Variants in PIAS2 observed in about 807,000 individuals in gnomAD.
PIAS2 encodes the protein E3 SUMO-protein ligase PIAS2.
Under a neutral mutation model 69.7 loss-of-function variants are expected in PIAS2, and 19 were observed. The observed-to-expected ratio is 0.27, with a 90% CI of 0.19 to 0.40. The LOEUF (loss-of-function observed/expected upper bound fraction) is 0.40, where lower values mean the gene tolerates loss of function less well. Among genes scored for constraint, PIAS2 ranks in the 10% least tolerant of loss-of-function variants. PIAS2 has a pLI of 1.00. For synonymous variants in PIAS2, 261 were observed against 263.2 expected (o/e 0.99, Z 0.08); for missense variants, 624 against 757.0 (o/e 0.82, Z 2.06).
chr18:46,908,007 A>G (rs1429802964), intron 1 of PIAS2: 1 of 152,230 alleles, frequency 6.6e-6, no homozygotes, highest in African/African-American at 2.4e-5. Context: ...GGGAATATTT[A>G]GAGTGCTGGT....
rs77528543 is a variant in PIAS2 at position 46,872,624 on chromosome 18, C to T, written c.500-8376G>A. ...GTTACGAGTTTCAAAAGGAAAGCTC[C>T]GATCTGTGGAACCCAAGGTTAAGTA... On this transcript the variant is annotated intron_variant, in intron 2 of 13. Coordinates refer to ENST00000585916, the MANE Select transcript of PIAS2 (RefSeq NM_004671.5). 8.3e-3 allele frequency among the ~76,000 whole-genome samples: 1,268 copies of T among 152,198 alleles called. 9 individuals are homozygous for T. Among genetic ancestry groups the T allele is most frequent in the Non-Finnish European group, 0.014 (950 of 68,012 alleles).
intron 2 of PIAS2, among the ~76,000 whole-genome samples, chr18:46,880,669 C>A (rs2052085668): frequency 6.6e-6 from 1 of 151,754 alleles, no homozygotes; most frequent in African/African-American, 2.4e-5. Flanking sequence ...AGGGGCTGAC[C>A]CTCAAACATG....
chr18:46,821,205 C>T, intron 11 of PIAS2, 133 bp from the exon 12 acceptor site: 1 of 758,912 alleles, frequency 1.3e-6, no homozygotes, highest in South Asian at 1.7e-5. Context: ...ACTCACTACA[C>T]AGCACTCCAC....
rs2040948950 is a variant in PIAS2, at chr18:46,810,789, C to A, written c.*1644G>T. 6.6e-6 allele frequency: 1 copy of A among 150,652 alleles called. No homozygotes were observed. Among genetic ancestry groups the A allele is most frequent in the East Asian group, 1.9e-4 (1 of 5,142 alleles). 9.3% of individuals were successfully genotyped at this position (150,652 alleles called of 1,614,324 possible). A position where few individuals can be genotyped will look rare whatever the true frequency, so the allele number is the denominator to read the frequency against. On this transcript the variant is annotated 3_prime_UTR_variant, in exon 14 of 14. Coordinates refer to ENST00000585916, the MANE Select transcript of PIAS2 (RefSeq NM_004671.5). ...AGGACAAGTCAGCTCCTTGGAGCTG[C>A]ACCAACTCTTAAGTAGGATGTCCCT...
intron 2 of PIAS2, among the ~76,000 whole-genome samples, chr18:46,875,986 T>C (rs1008617104): frequency 6.6e-6 from 1 of 152,222 alleles, no homozygotes; most frequent in Admixed American, 6.5e-5. Context: ...TTTTACCTCA[T>C]GTCTCTCACA....
intron 1 of PIAS2, among the ~76,000 whole-genome samples, chr18:46,899,952 G>A (rs1296295337): frequency 1.3e-5 from 2 of 152,122 alleles, no homozygotes; most frequent in East Asian, 3.9e-4. Flanking sequence ...AGCAATGAAG[G>A]CATATAAATT....
At chr18:46,864,448 G>A (rs1052636864) in intron 2 of PIAS2, among the ~76,000 whole-genome samples, 200 bp from the exon 3 acceptor site, 9 of 152,186 alleles carry the variant, frequency 5.9e-5, no homozygotes, top group Admixed American at 3.3e-4. Context: ...TTTCTTTAAC[G>A]TTAAGTACGT....
chr18:46,907,491 T>A (rs997994586), intron 1 of PIAS2: 4 of 152,142 alleles, frequency 2.6e-5, no homozygotes, highest in African/African-American at 9.7e-5. Flanking sequence ...TAAGGATGAA[T>A]CTGGCAAACG....
At chr18:46,817,035 TA>T in intron 12 of PIAS2, 4 of 937,886 alleles carry the variant, frequency 4.3e-6, no homozygotes, top group Non-Finnish European at 5.1e-6. Context: ...TATTATTAAG[TA>T]AAAAAAGTTT....
intron 1 of PIAS2, among the ~76,000 whole-genome samples, chr18:46,914,287 G>C (rs2057562484): frequency 2.0e-5 from 3 of 152,104 alleles, no homozygotes; most frequent in Admixed American, 1.3e-4. Flanking sequence ...CTGCTGATCA[G>C]GTTTGTGTGC....
chr18:46,820,014 G>A (rs114057769), intron 12 of PIAS2, among the ~76,000 whole-genome samples: 1,992 of 152,194 alleles, frequency 0.013, 42 homozygotes, highest in African/African-American at 0.044. Flanking sequence ...GAAAATTCCA[G>A]AAATAATTCA....
intron 1 of PIAS2, among the ~76,000 whole-genome samples, chr18:46,905,090 T>A (rs1324083225): frequency 6.6e-6 from 1 of 152,214 alleles, no homozygotes. Context: ...AGTCTCTTCA[T>A]GTACAAATAA....
At chr18:46,854,648 T>G (rs978886884) in intron 5 of PIAS2, among the ~76,000 whole-genome samples, 1 of 152,220 alleles carries the variant, frequency 6.6e-6, no homozygotes, top group South Asian at 2.1e-4. Context: ...ACAGGCTGCA[T>G]GCATTTACAT....
chr18:46,887,207 G>T (rs191930024), intron 2 of PIAS2, among the ~76,000 whole-genome samples: 1 of 151,146 alleles, frequency 6.6e-6, no homozygotes, highest in East Asian at 1.9e-4. Context: ...TACTCCACTT[G>T]CTTGGATCAC....
intron 9 of PIAS2, 28 bp from the exon 10 acceptor site, chr18:46,829,895 T>C: frequency 6.3e-7 from 1 of 1,594,544 alleles, no homozygotes; most frequent in East Asian, 2.2e-5. Context: ...AGTACATACA[T>C]GTGATCAACA....
chr18:46,866,558 G>A (rs2049499814), intron 2 of PIAS2, among the ~76,000 whole-genome samples: 1 of 152,140 alleles, frequency 6.6e-6, no homozygotes, highest in Non-Finnish European at 1.5e-5. Flanking sequence ...TTCAAAACTG[G>A]ATCTCTGGGA....
chr18:46,889,131 T>C (rs901538563), intron 2 of PIAS2, among the ~76,000 whole-genome samples: 5 of 152,146 alleles, frequency 3.3e-5, no homozygotes, highest in Admixed American at 6.5e-5. Context: ...TATAAAATTC[T>C]TAAAGGAAAA....
At chr18:46,857,733 T>C (rs904680632) in intron 3 of PIAS2, among the ~76,000 whole-genome samples, 2 of 152,202 alleles carry the variant, frequency 1.3e-5, no homozygotes, top group Non-Finnish European at 2.9e-5. Flanking sequence ...AACTGGGAAA[T>C]ACAATGTGCT....
At position 46,803,692 on chromosome 18, in the gene PIAS2, A is replaced by G. The variant is rs1267739134; in HGVS notation, c.*8741T>C. On this transcript the variant is annotated 3_prime_UTR_variant, in exon 14 of 14. Coordinates refer to ENST00000585916, the MANE Select transcript of PIAS2 (RefSeq NM_004671.5). ...CTAGCCATCACAGTGAGGATAAATTATGTTTACAATTATATTGTAGCACTC... is the reference window on the plus strand; with the variant it reads ...CTAGCCATCACAGTGAGGATAAATTGTGTTTACAATTATATTGTAGCACTC... The G allele has an allele frequency of 6.6e-6, 1 of 152,244 alleles. No individual in the cohort carries two copies. Among genetic ancestry groups the G allele is most frequent in the African/African-American group, 2.4e-5 (1 of 41,462 alleles). 9.4% of individuals were successfully genotyped at this position (152,244 alleles called of 1,614,324 possible). A position where few individuals can be genotyped will look rare whatever the true frequency, so the allele number is the denominator to read the frequency against.
Sources: allele counts gnomAD v4.1 joint callset (sites outside exome capture counted in the v4.1 genomes callset), GRCh38; gene constraint gnomAD v4.1.1; transcripts MANE v1.5; gene names NCBI Gene and HGNC (gene_info 2026-07-23, HGNC 2026-07-21).